The following JAK1 variants were observed in gnomAD, a reference collection of about 807,000 sequenced individuals.
JAK1 encodes tyrosine-protein kinase JAK1.
A neutral mutation model predicts 136.6 loss-of-function variants in JAK1; 16 were observed. The observed-to-expected ratio is 0.12, with a 90% CI of 0.08 to 0.18. The LOEUF is 0.18. Ranked by LOEUF, JAK1 falls within the 10% of genes least tolerant of loss-of-function variation. The pLI, the probability that JAK1 is intolerant of heterozygous loss-of-function variation, is 1.00. For synonymous variants in JAK1, 492 were observed against 519.5 expected (o/e 0.95, Z 0.72); for missense variants, 859 against 1,450.1 (o/e 0.59, Z 6.62).
At chr1:64,965,763 G>C (rs1345659956) in intron 1 of JAK1, among the ~76,000 whole-genome samples, 1 of 152,288 alleles carries the variant, frequency 6.6e-6, no homozygotes, top group Non-Finnish European at 1.5e-5. Context: ...GAACCTAAGA[G>C]GGGAGGGGGC....
At chr1:64,870,812 G>A (rs770492972) in intron 5 of JAK1, among the ~76,000 whole-genome samples, 2 of 152,074 alleles carry the variant, frequency 1.3e-5, no homozygotes, top group Non-Finnish European at 2.9e-5. Context: ...GTTTCTCTCA[G>A]GTGAGGAAAG....
At chr1:64,965,043 A>T (rs984288269) in intron 1 of JAK1, among the ~76,000 whole-genome samples, 1 of 152,206 alleles carries the variant, frequency 6.6e-6, no homozygotes, top group African/African-American at 2.4e-5. Flanking sequence ...AGATTCAATC[A>T]ATACGAATTG....
At chr1:64,924,760 GCC>G (rs1219055788) in intron 1 of JAK1, among the ~76,000 whole-genome samples, 3 of 152,192 alleles carry the variant, frequency 2.0e-5, no homozygotes, top group Admixed American at 6.5e-5. Flanking sequence ...TTCACTTAAA[GCC>G]ACAAACACCT....
At chr1:64,906,838 T>A (rs1645197419) in intron 1 of JAK1, among the ~76,000 whole-genome samples, 1 of 152,208 alleles carries the variant, frequency 6.6e-6, no homozygotes, top group Admixed American at 6.5e-5. Flanking sequence ...GTTTCTGCTA[T>A]TCCACACTAC....
rs150658359 is a variant in JAK1 at position 64,941,388 on chromosome 1, C to A, written c.-78+24945G>T. Among the ~76,000 whole-genome samples the A allele has an allele frequency of 3.5e-3, 539 of 152,220 alleles. 2 individuals are homozygous for A. Among genetic ancestry groups the A allele is most frequent in the South Asian group, 6.2e-3 (30 of 4,828 alleles). The stretch of plus-strand genomic sequence containing the variant: ...AAATGTGACAACATGACTACAAATT[C>A]TTTCAGTTGGGGCTTTCACTGGGAC... On this transcript the variant is annotated intron_variant, in intron 1 of 24. Coordinates refer to ENST00000342505, the MANE Select transcript of JAK1 (RefSeq NM_002227.4).
At chr1:64,896,642 A>G (rs1325204591) in intron 1 of JAK1, among the ~76,000 whole-genome samples, 1 of 152,232 alleles carries the variant, frequency 6.6e-6, no homozygotes, top group African/African-American at 2.4e-5. Flanking sequence ...AGAAGAAAAG[A>G]AAACAACAAA....
intron 2 of JAK1, chr1:64,985,844 A>G: frequency 1.6e-6 from 1 of 616,662 alleles, no homozygotes; most frequent in East Asian, 3.2e-5. Flanking sequence ...AGCTGTTGAC[A>G]AACAGTCCAA....
At chr1:64,896,651 A>C (rs1275966549) in intron 1 of JAK1, among the ~76,000 whole-genome samples, 2 of 152,050 alleles carry the variant, frequency 1.3e-5, no homozygotes, top group Non-Finnish European at 1.5e-5. Context: ...GAAAACAACA[A>C]AAGATATATC....
intron 1 of JAK1, among the ~76,000 whole-genome samples, chr1:64,894,722 A>G (rs1644988903): frequency 6.6e-6 from 1 of 152,186 alleles, no homozygotes; most frequent in Non-Finnish European, 1.5e-5. Context: ...GGGTGCAGAG[A>G]GCAAAGATCA....
intron 2 of JAK1, among the ~76,000 whole-genome samples, chr1:64,998,569 A>G (rs985588514): frequency 2.0e-5 from 3 of 152,198 alleles, no homozygotes; most frequent in African/African-American, 7.2e-5. Flanking sequence ...GTGGAAAAAG[A>G]GAAGAGGATG....
intron 2 of JAK1, among the ~76,000 whole-genome samples, chr1:64,977,604 GTGTTT>G (rs1646507827): frequency 6.6e-6 from 1 of 151,824 alleles, no homozygotes; most frequent in Admixed American, 6.6e-5. Flanking sequence ...CTAATTTTTT[GTGTTT>G]TTAATAGAGA....
intron 1 of JAK1, among the ~76,000 whole-genome samples, chr1:64,893,315 G>T (rs1223558596): frequency 6.6e-6 from 1 of 152,104 alleles, no homozygotes; most frequent in East Asian, 1.9e-4. Context: ...GTCAGAAAGA[G>T]GCCCATGTTC....
At chr1:64,893,553 G>A (rs1317587158) in intron 1 of JAK1, among the ~76,000 whole-genome samples, 4 of 152,168 alleles carry the variant, frequency 2.6e-5, no homozygotes, top group Admixed American at 2.6e-4. Flanking sequence ...TGTTTCCTCA[G>A]AATAATAGAA....
intron 7 of JAK1, 93 bp downstream of exon 7, chr1:64,866,773 T>C: frequency 1.1e-6 from 1 of 887,842 alleles, no homozygotes; most frequent in Non-Finnish European, 1.8e-6. Context: ...ATGGGAGTGA[T>C]GGACATGCAG....
chr1:64,834,002 G>A lies in JAK1; in HGVS notation c.*560C>T, dbSNP rs1654309071. 4.3e-6 allele frequency: 1 copy of A among 232,620 alleles called. No individual in the cohort carries two copies. Among genetic ancestry groups the A allele is most frequent in the Admixed American group, 5.6e-5 (1 of 17,756 alleles). The allele number at this position is 232,620 out of a possible 1,614,324, so 14.4% of individuals were successfully genotyped here. ...GGAGAAACAAAGTTTAAGTCCTACT[G>A]GTGAGAGAATACAGTCATTTTTGTA... On this transcript the variant is annotated 3_prime_UTR_variant, in exon 25 of 25. Transcript: ENST00000342505.
chr1:64,908,406 T>G (rs1255770478), intron 1 of JAK1, among the ~76,000 whole-genome samples: 1 of 152,174 alleles, frequency 6.6e-6, no homozygotes, highest in Non-Finnish European at 1.5e-5. Flanking sequence ...TTTTACATAT[T>G]CTACTGTGCA....
intron 1 of JAK1, among the ~76,000 whole-genome samples, chr1:64,887,088 G>A (rs897838836): frequency 1.1e-4 from 16 of 152,168 alleles, no homozygotes; most frequent in Non-Finnish European, 2.2e-4. Context: ...TACAATAGAA[G>A]GTTGGAGACA....
chr1:64,913,679 G>GGAAA (rs1645332105), intron 1 of JAK1, among the ~76,000 whole-genome samples: 1 of 30,498 alleles, frequency 3.3e-5, no homozygotes, highest in African/African-American at 8.7e-5. Context: ...AAGGAAGGAA[G>GGAAA]GAAGGAAGGA....
At chr1:64,959,165 C>A (rs1047457201) in intron 1 of JAK1, among the ~76,000 whole-genome samples, 1 of 152,186 alleles carries the variant, frequency 6.6e-6, no homozygotes, top group Non-Finnish European at 1.5e-5. Context: ...TTTCCAATCA[C>A]GTGGCAACAA....
Sources: allele counts gnomAD v4.1 joint callset (sites outside exome capture counted in the v4.1 genomes callset), GRCh38; gene constraint gnomAD v4.1.1; transcripts MANE v1.5; gene names NCBI Gene and HGNC (gene_info 2026-07-23, HGNC 2026-07-21).